RANBP10: variants seen among roughly 807,000 people sequenced by gnomAD.
The protein encoded by RANBP10 is ran-binding protein 10.
RANBP10 carries 24 observed loss-of-function variants against 72.8 expected under a neutral mutation model. The ratio of observed to expected loss-of-function variants is 0.33; its 90% CI spans 0.24 to 0.46. RANBP10 has a LOEUF of 0.46. RANBP10 is among the 20% of genes least tolerant of loss of function. The probability of loss-of-function intolerance (pLI) is 1.00; values close to 1 mark genes in which losing one functional copy is unlikely to be tolerated. For missense variants in RANBP10, 679 were observed against 817.5 expected (o/e 0.83, Z 2.07); for synonymous variants, 310 against 322.3 (o/e 0.96, Z 0.41).
At chr16:67,758,447 G>A (rs1429139881) in intron 3 of RANBP10, among the ~76,000 whole-genome samples, 4 of 152,162 alleles carry the variant, frequency 2.6e-5, no homozygotes, top group Non-Finnish European at 5.9e-5. Context: ...ATATGCCTGT[G>A]GCTCTGCGTA....
In RANBP10 at chr16:67,784,989, C is replaced by G. The variant is rs992620452; in HGVS notation, c.348-12903G>C. On this transcript the variant is annotated intron_variant, in intron 2 of 13. Coordinates refer to ENST00000317506, the MANE Select transcript of RANBP10 (RefSeq NM_020850.3). The stretch of plus-strand genomic sequence containing the variant: ...CTTTGGGAGGCCGAGGCGGGCAGAT[C>G]ACCTGAGGTCAGAAGTTTGAGACCA... Among the ~76,000 whole-genome samples, 17 of 151,824 alleles carry G rather than the reference C, an allele frequency of 1.1e-4. 1 individual carries two copies. Among genetic ancestry groups the G allele is most frequent in the Admixed American group, 5.2e-4 (8 of 15,242 alleles).
intron 2 of RANBP10, among the ~76,000 whole-genome samples, chr16:67,796,323 T>C (rs539720182): frequency 2.0e-4 from 30 of 152,298 alleles, no homozygotes; most frequent in Admixed American, 1.7e-3. Context: ...CAATTTCAGA[T>C]ACATGGCTTT....
At chr16:67,800,003 C>T (rs1157863825) in intron 2 of RANBP10, among the ~76,000 whole-genome samples, 1 of 152,158 alleles carries the variant, frequency 6.6e-6, no homozygotes, top group Non-Finnish European at 1.5e-5. Context: ...CGCCTGTAGT[C>T]CCAGCTACTC....
intron 4 of RANBP10, 105 bp from the exon 5 acceptor site, chr16:67,738,140 T>TTTG: frequency 1.5e-6 from 2 of 1,297,910 alleles, no homozygotes; most frequent in Non-Finnish European, 2.1e-6. Flanking sequence ...TTTTTTTTGG[T>TTTG]TTGTTGTTGT....
chr16:67,803,387 A>C (rs757400247), intron 2 of RANBP10, among the ~76,000 whole-genome samples: 10 of 151,990 alleles, frequency 6.6e-5, no homozygotes, highest in Non-Finnish European at 1.0e-4. Context: ...GCGGTGGCCC[A>C]CACCTGTAAT....
At chr16:67,774,175 T>C (rs1182021006) in intron 2 of RANBP10, among the ~76,000 whole-genome samples, 2 of 152,206 alleles carry the variant, frequency 1.3e-5, no homozygotes, top group African/African-American at 4.8e-5. Flanking sequence ...CTTTCCCTGA[T>C]TTAGACAACA....
intron 6 of RANBP10, among the ~76,000 whole-genome samples, chr16:67,733,298 C>A (rs1334061588): frequency 3.3e-5 from 5 of 151,968 alleles, no homozygotes; most frequent in Non-Finnish European, 7.4e-5. Flanking sequence ...CTCAGGAGGT[C>A]CATGCTGCAG....
intron 5 of RANBP10, among the ~76,000 whole-genome samples, chr16:67,735,997 G>A (rs1176730192): frequency 1.3e-5 from 2 of 152,030 alleles, no homozygotes; most frequent in Non-Finnish European, 2.9e-5. Flanking sequence ...TACCATGACT[G>A]GCTTTTGTTC....
At chr16:67,752,546 C>A (rs2054216176) in intron 3 of RANBP10, among the ~76,000 whole-genome samples, 1 of 152,148 alleles carries the variant, frequency 6.6e-6, no homozygotes, top group African/African-American at 2.4e-5. Context: ...GGTAAGGGGT[C>A]TGCCATTACA....
At chr16:67,757,870 G>A (rs952991569) in intron 3 of RANBP10, among the ~76,000 whole-genome samples, 3 of 152,084 alleles carry the variant, frequency 2.0e-5, no homozygotes, top group African/African-American at 7.2e-5. Flanking sequence ...CTGGGTGCAG[G>A]GTCTTCTCTT....
Position 67,729,979 on chromosome 16 carries a change from T to C in RANBP10, c.957A>G (p.Pro319=). ...GGTTGGGGTTGTGCTCCAGCAGCCC[T>C]GGGTAGAAGCGCTGGGTGGTCTCGA... ...EAIETTQRFY[P]GLLEHNPNLL... is the part of the protein sequence containing the mutation. The change falls in exon 8 of 14, where the codon CCA becomes CCG. Residue 319 remains proline (P), a synonymous_variant. Transcript: ENST00000317506. The surrounding 1 kb of genome is among the most constrained non-coding windows in gnomAD (Gnocchi z 7.1). The C allele has an allele frequency of 6.2e-7, 1 of 1,613,522 alleles. No homozygotes were observed. Among genetic ancestry groups the C allele is most frequent in the Non-Finnish European group, 8.5e-7 (1 of 1,179,936 alleles).
chr16:67,798,193 G>A (rs1314605893), intron 2 of RANBP10, among the ~76,000 whole-genome samples: 1 of 152,064 alleles, frequency 6.6e-6, no homozygotes, highest in Non-Finnish European at 1.5e-5. Context: ...CAACTCCGGG[G>A]GGCAGTAAGG....
chr16:67,775,305 C>T (rs182609514), intron 2 of RANBP10, among the ~76,000 whole-genome samples: 10 of 152,080 alleles, frequency 6.6e-5, no homozygotes, highest in African/African-American at 9.6e-5. Context: ...AGAGAGACTC[C>T]GCTTCGAAAA....
rs745867096 is a variant in RANBP10 at position 67,729,877 on chromosome 16, G to A, written c.999-49C>T. 11 of 1,613,268 alleles carry A rather than the reference G, an allele frequency of 6.8e-6. No individual in the cohort carries two copies. Among genetic ancestry groups the A allele is most frequent in the African/African-American group, 1.3e-5 (1 of 74,910 alleles). The stretch of plus-strand genomic sequence containing the variant: ...TGCTCTGGTTGTGGTCCAGGTTGAC[G>A]TTCCCACCACCAGCTGAGAGGGGCT... On this transcript the variant is annotated intron_variant, in intron 8 of 13. Coordinates refer to ENST00000317506, the MANE Select transcript of RANBP10 (RefSeq NM_020850.3). This position sits in a 1 kb window ranked among gnomAD's most constrained non-coding sequence, Gnocchi z 7.1.
At chr16:67,735,906 A>C (rs1268112032) in intron 5 of RANBP10, among the ~76,000 whole-genome samples, 1 of 152,094 alleles carries the variant, frequency 6.6e-6, no homozygotes, top group Non-Finnish European at 1.5e-5. Flanking sequence ...GGTGAAGAGA[A>C]GCTACCCTTC....
intron 3 of RANBP10, among the ~76,000 whole-genome samples, chr16:67,766,015 A>G (rs1463014308): frequency 6.6e-6 from 1 of 152,016 alleles, no homozygotes; most frequent in African/African-American, 2.4e-5. Flanking sequence ...GTCTCAGATA[A>G]ATAAATAAAT....
rs1175856062 is a variant in RANBP10, at chr16:67,776,437, G to A, written c.348-4351C>T. Among the ~76,000 whole-genome samples the A allele has an allele frequency of 1.3e-4, 18 of 134,528 alleles. No individual in the cohort carries two copies. In the East Asian group the frequency reaches 2.5e-3, roughly 19 times the overall value. The allele number at this position is 134,528 out of a possible 152,430, so 88.3% of individuals were successfully genotyped here. ...AGATCAGGCCACTGCACTCCAGCCC[G>A]GACAACAGACACGGACTCCATCTCA... On this transcript the variant is annotated intron_variant, in intron 2 of 13. Coordinates refer to ENST00000317506, the MANE Select transcript of RANBP10 (RefSeq NM_020850.3).
chr16:67,739,888 A>G (rs2053932519), intron 4 of RANBP10: 1 of 152,236 alleles, frequency 6.6e-6, no homozygotes, highest in African/African-American at 2.4e-5. Flanking sequence ...GACCACAACT[A>G]TATAAGCAGG....
At chr16:67,752,041 TAA>T (rs1416323816) in intron 3 of RANBP10, among the ~76,000 whole-genome samples, 3 of 150,812 alleles carry the variant, frequency 2.0e-5, no homozygotes, top group Admixed American at 6.6e-5. Context: ...AGAAAAGAGA[TAA>T]GTTTTCTGCT....
Sources: allele counts gnomAD v4.1 joint callset (sites outside exome capture counted in the v4.1 genomes callset), GRCh38; gene constraint gnomAD v4.1.1; non-coding constraint Gnocchi (gnomAD v3.1); transcripts MANE v1.5; gene names NCBI Gene and HGNC (gene_info 2026-07-23, HGNC 2026-07-21).